The following FIGN variants were observed in gnomAD, a reference collection of about 807,000 sequenced individuals.
The protein encoded by FIGN is fidgetin, microtubule severing factor.
A neutral mutation model predicts 51.3 loss-of-function variants in FIGN; 11 were observed. The observed-to-expected ratio is 0.21, with a 90% CI of 0.13 to 0.35. The LOEUF (loss-of-function observed/expected upper bound fraction) is 0.35. FIGN is among the 10% of genes least tolerant of loss of function. The pLI, the probability that FIGN is intolerant of heterozygous loss-of-function variation, is 1.00. For missense variants in FIGN, 857 were observed against 943.6 expected (o/e 0.91, Z 1.20); for synonymous variants, 407 against 363.2 (o/e 1.12, Z -1.37).
intron 2 of FIGN, among the ~76,000 whole-genome samples, chr2:163,648,084 G>A (rs573558786): frequency 3.6e-4 from 55 of 152,176 alleles, no homozygotes; most frequent in Middle Eastern, 3.4e-3. Context: ...TAAATGATTT[G>A]CAAGGTCAAA....
At chr2:163,634,778 A>G (rs1199874704) in intron 2 of FIGN, among the ~76,000 whole-genome samples, 1 of 152,138 alleles carries the variant, frequency 6.6e-6, no homozygotes, top group Non-Finnish European at 1.5e-5. Context: ...GAGTGTTATA[A>G]CTCTCTTATA....
chr2:163,632,399 G>A (rs1683158581), intron 2 of FIGN, among the ~76,000 whole-genome samples: 1 of 152,122 alleles, frequency 6.6e-6, no homozygotes, highest in Non-Finnish European at 1.5e-5. Context: ...ATAGCATAAA[G>A]GCTTAACATG....
intron 2 of FIGN, among the ~76,000 whole-genome samples, chr2:163,728,339 T>C (rs1317082311): frequency 6.6e-6 from 1 of 151,778 alleles, no homozygotes; most frequent in Non-Finnish European, 1.5e-5. Context: ...CTCTTACTAC[T>C]ACAATTATTC....
chr2:163,674,334 T>C (rs1683925270), intron 2 of FIGN, among the ~76,000 whole-genome samples: 1 of 152,226 alleles, frequency 6.6e-6, no homozygotes, highest in Non-Finnish European at 1.5e-5. Flanking sequence ...GCTTTTCTAA[T>C]GTAGAGATCT....
intron 2 of FIGN, among the ~76,000 whole-genome samples, chr2:163,632,662 T>C (rs1354412614): frequency 1.3e-5 from 2 of 152,126 alleles, no homozygotes; most frequent in African/African-American, 2.4e-5. Context: ...AATGAGATAA[T>C]GTAAGAAAAG....
intron 2 of FIGN, among the ~76,000 whole-genome samples, chr2:163,639,449 G>A (rs946914474): frequency 6.6e-6 from 1 of 152,010 alleles, no homozygotes; most frequent in Non-Finnish European, 1.5e-5. Flanking sequence ...GTTAAACATG[G>A]CAAACAAGTT....
intron 2 of FIGN, among the ~76,000 whole-genome samples, chr2:163,613,197 C>T (rs1320727944): frequency 6.6e-6 from 1 of 151,938 alleles, no homozygotes; most frequent in Non-Finnish European, 1.5e-5. Context: ...CCATTGCTGG[C>T]TCATCTCAGT....
intron 2 of FIGN, among the ~76,000 whole-genome samples, chr2:163,733,831 C>T (rs1362269218): frequency 6.6e-6 from 1 of 151,936 alleles, no homozygotes; most frequent in Non-Finnish European, 1.5e-5. Flanking sequence ...GGCCACACTA[C>T]AGACCCCTGG....
chr2:163,655,317 A>G (rs1036066624), intron 2 of FIGN, among the ~76,000 whole-genome samples: 1 of 152,186 alleles, frequency 6.6e-6, no homozygotes, highest in African/African-American at 2.4e-5. Context: ...ACAATTTCAT[A>G]ACTTCAAGGA....
chr2:163,665,442 A>G (rs907192520), intron 2 of FIGN, among the ~76,000 whole-genome samples: 11 of 152,248 alleles, frequency 7.2e-5, no homozygotes, highest in African/African-American at 2.2e-4. Flanking sequence ...TTTTTAGCAG[A>G]GTTAGGGAAA....
chr2:163,725,529 G>A (rs536214095), intron 2 of FIGN, among the ~76,000 whole-genome samples: 12 of 151,980 alleles, frequency 7.9e-5, no homozygotes, highest in Non-Finnish European at 1.6e-4. Context: ...GCATTTTGCT[G>A]TAGTAGGGTA....
At chr2:163,703,161 A>C (rs1454605011) in intron 2 of FIGN, among the ~76,000 whole-genome samples, 2 of 152,080 alleles carry the variant, frequency 1.3e-5, no homozygotes, top group African/African-American at 2.4e-5. Flanking sequence ...TTTTCTAATA[A>C]ATGGAGGGAG....
intron 2 of FIGN, among the ~76,000 whole-genome samples, chr2:163,724,308 T>C (rs1343974338): frequency 6.6e-6 from 1 of 152,200 alleles, no homozygotes; most frequent in African/African-American, 2.4e-5. Flanking sequence ...ATGAGCTATC[T>C]GTACATGTCA....
chr2:163,653,349 C>A (rs1016822417), intron 2 of FIGN, among the ~76,000 whole-genome samples: 1 of 151,908 alleles, frequency 6.6e-6, no homozygotes, highest in African/African-American at 2.4e-5. Flanking sequence ...GCACTATATA[C>A]ATTTTATAAT....
In FIGN at chr2:163,603,356, A is replaced by T. The variant is rs936290821; in HGVS notation, c.*6196T>A. ...GTCAAAATCTGGTCAAATCCAGCGT[A>T]TTGTTTCAATTTAAGCAAATAAAAT... On this transcript the variant is annotated 3_prime_UTR_variant, in exon 3 of 3. Transcript: ENST00000333129. The T allele has an allele frequency of 3.9e-5, 6 of 152,150 alleles. No individual in the cohort carries two copies. The highest frequency in any genetic ancestry group is 7.4e-5 in the Non-Finnish European group (5 of 68,008). The allele number at this position is 152,150 out of a possible 1,614,324, so 9.4% of individuals were successfully genotyped here.
chr2:163,615,660 A>G (rs995213001), intron 2 of FIGN, among the ~76,000 whole-genome samples: 2 of 152,162 alleles, frequency 1.3e-5, no homozygotes, highest in African/African-American at 2.4e-5. Flanking sequence ...AGTTTTAAAA[A>G]CAGCTTTTAT....
intron 2 of FIGN, among the ~76,000 whole-genome samples, chr2:163,673,628 C>T (rs1683913484): frequency 6.6e-6 from 1 of 152,054 alleles, no homozygotes; most frequent in Non-Finnish European, 1.5e-5. Context: ...CATAACTTAT[C>T]CCACCTTGCA....
chr2:163,702,175 C>G (rs1227721788), intron 2 of FIGN, among the ~76,000 whole-genome samples: 1 of 152,080 alleles, frequency 6.6e-6, no homozygotes, highest in African/African-American at 2.4e-5. Flanking sequence ...GAAGCTGATC[C>G]TCACTAAATA....
At chr2:163,718,623 TC>T (rs1022179234) in intron 2 of FIGN, among the ~76,000 whole-genome samples, 17 of 152,260 alleles carry the variant, frequency 1.1e-4, no homozygotes, top group African/African-American at 4.1e-4. Context: ...ATTGGAAGTC[TC>T]CCTGATGAAA....
Sources: allele counts gnomAD v4.1 joint callset (sites outside exome capture counted in the v4.1 genomes callset), GRCh38; gene constraint gnomAD v4.1.1; transcripts MANE v1.5; gene names NCBI Gene and HGNC (gene_info 2026-07-23, HGNC 2026-07-21).